INTS9: variants seen among roughly 807,000 people sequenced by gnomAD.
INTS9 encodes the protein integrator complex subunit 9.
Under a neutral mutation model 79.7 loss-of-function variants are expected in INTS9, and 55 were observed. The ratio of observed to expected loss-of-function variants is 0.69; its 90% CI spans 0.56 to 0.86. The LOEUF (loss-of-function observed/expected upper bound fraction) is 0.86. Ranked by LOEUF, INTS9 falls within the 40% of genes least tolerant of loss-of-function variation. The pLI is 0.00. For synonymous variants in INTS9, 319 were observed against 325.2 expected, an observed-to-expected ratio of 0.98 and a Z score of 0.20; for missense variants, 721 against 831.5, an observed-to-expected ratio of 0.87 and a Z score of 1.64.
chr8:28,780,845 A>G lies in INTS9; in HGVS notation c.1248T>C (p.Ser416=), dbSNP rs1383954745. The stretch of plus-strand genomic sequence containing the variant: ...TACCCGTGAATATGACGGTATTGAG[A>G]CTAGATTTTCCCCAGAGCTCCATGA... ...VHFMELWGKS[S]LNTVIFTEPD... Residue 416 remains serine (S), a synonymous_variant, in exon 12 of 17, where the codon AGT becomes AGC. Transcript: ENST00000521022. The G allele has an allele frequency of 5.0e-6, 8 of 1,614,070 alleles. No homozygotes were observed. Among genetic ancestry groups the G allele is most frequent in the Non-Finnish European group, 6.8e-6 (8 of 1,180,018 alleles).
chr8:28,788,719 C>T (rs1803759167), intron 10 of INTS9, among the ~76,000 whole-genome samples: 1 of 152,178 alleles, frequency 6.6e-6, no homozygotes, highest in African/African-American at 2.4e-5. Flanking sequence ...GTGCCTGGCC[C>T]TCACACTCTT....
chr8:28,859,752 T>A, intron 1 of INTS9, 189 bp from the exon 2 acceptor site: 1 of 686,700 alleles, frequency 1.5e-6, no homozygotes, highest in Non-Finnish European at 2.6e-6. Flanking sequence ...ATACTCAAAA[T>A]TCTCAGATCA....
At position 28,767,893 on chromosome 8, in the gene INTS9, G is replaced by A; in HGVS notation, c.*253C>T. 2.1e-6 allele frequency: 1 copy of A among 473,302 alleles called. No homozygotes were observed. Among genetic ancestry groups the A allele is most frequent in the Non-Finnish European group, 3.9e-6 (1 of 259,444 alleles). The allele number at this position is 473,302 out of a possible 1,614,324, so 29.3% of individuals were successfully genotyped here. On this transcript the variant is annotated 3_prime_UTR_variant, in exon 17 of 17. Transcript: ENST00000521022. ...GGAAAACTTCTCCTGTCCCACTTCT[G>A]CCACCCTCCAGCTCCTTGAGAGAGC...
intron 1 of INTS9, among the ~76,000 whole-genome samples, chr8:28,882,264 G>C (rs1450249198): frequency 2.3e-5 from 3 of 132,944 alleles, no homozygotes; most frequent in Non-Finnish European, 1.6e-5. Context: ...CAGCATGCTC[G>C]TTAAGAGTCA....
At chr8:28,785,857 A>C (rs1374193184) in intron 11 of INTS9, among the ~76,000 whole-genome samples, 2 of 152,238 alleles carry the variant, frequency 1.3e-5, no homozygotes, top group African/African-American at 4.8e-5. Context: ...TCTATCCAAC[A>C]GCACAGGATT....
chr8:28,786,571 G>C (rs1352169486), intron 11 of INTS9, among the ~76,000 whole-genome samples: 1 of 152,152 alleles, frequency 6.6e-6, no homozygotes, highest in East Asian at 1.9e-4. Context: ...GGGATTATAG[G>C]TGTGAGCCAC....
chr8:28,837,823 C>A, intron 4 of INTS9, 47 bp from the exon 5 acceptor site: 2 of 1,528,784 alleles, frequency 1.3e-6, no homozygotes, highest in South Asian at 1.2e-5. Context: ...AGGGATCGAT[C>A]AATATGATGT....
chr8:28,775,706 C>T, intron 14 of INTS9, 53 bp downstream of exon 14: 1 of 1,591,266 alleles, frequency 6.3e-7, no homozygotes, highest in Non-Finnish European at 8.6e-7. Flanking sequence ...GCACGATCTC[C>T]AAGAGCCTCT....
At chr8:28,770,214 C>CAACT (rs1802452322) in intron 15 of INTS9, among the ~76,000 whole-genome samples, 188 bp from the exon 16 acceptor site, 1 of 152,264 alleles carries the variant, frequency 6.6e-6, no homozygotes. Context: ...CTCTAATGCT[C>CAACT]AACTGTCCAG....
At chr8:28,771,214 G>A in intron 14 of INTS9, 134 bp from the exon 15 acceptor site, 1 of 719,454 alleles carries the variant, frequency 1.4e-6, no homozygotes, top group Non-Finnish European at 2.5e-6. Flanking sequence ...TTTTTTTTGA[G>A]ATGGAGTCTT....
intron 6 of INTS9, among the ~76,000 whole-genome samples, chr8:28,833,209 T>C (rs1026666001): frequency 6.6e-6 from 1 of 152,076 alleles, no homozygotes; most frequent in Non-Finnish European, 1.5e-5. Context: ...ACTAAGACAT[T>C]CTAATGTTGA....
intron 1 of INTS9, among the ~76,000 whole-genome samples, chr8:28,865,415 T>C (rs1159166047): frequency 6.6e-6 from 1 of 151,112 alleles, no homozygotes; most frequent in African/African-American, 2.4e-5. Context: ...AAGGCTACAG[T>C]GTGCTGTGAT....
At chr8:28,774,864 T>C (rs1802777104) in intron 14 of INTS9, among the ~76,000 whole-genome samples, 1 of 152,200 alleles carries the variant, frequency 6.6e-6, no homozygotes, top group Non-Finnish European at 1.5e-5. Flanking sequence ...TGTCTCCCTC[T>C]CAGAGGAGTG....
intron 6 of INTS9, among the ~76,000 whole-genome samples, chr8:28,819,573 G>C (rs1805704203): frequency 6.6e-6 from 1 of 152,130 alleles, no homozygotes; most frequent in South Asian, 2.1e-4. Flanking sequence ...TTACTTCCAA[G>C]TATGTGGTCA....
At chr8:28,830,855 C>A (rs1028824476) in intron 6 of INTS9, among the ~76,000 whole-genome samples, 8 of 152,086 alleles carry the variant, frequency 5.3e-5, no homozygotes, top group Non-Finnish European at 1.0e-4. Context: ...CAAAGATGGC[C>A]TTCTCCAATA....
Position 28,835,309 on chromosome 8 carries a change from C to A in INTS9, c.471G>T (p.Lys157Asn). The A allele has an allele frequency of 6.2e-7, 1 of 1,613,314 alleles. No homozygotes were observed. Among genetic ancestry groups the A allele is most frequent in the Non-Finnish European group, 8.5e-7 (1 of 1,179,364 alleles). Residue 157 changes from lysine (K) to asparagine (N), a missense_variant, in exon 6 of 17, where the codon AAG becomes AAT. Lys to Asn is a moderately conservative substitution (Grantham distance 94). Transcript: ENST00000521022. ...VPKAQSASLW[K>N]NKDIQRLLPS... ...TTCCTCACCTCTGAATGTCCTTATT[C>A]TTCCACAAGGAGGCAGACTGAGCCT...
intron 1 of INTS9, among the ~76,000 whole-genome samples, chr8:28,870,100 C>T (rs886946331): frequency 2.0e-5 from 3 of 151,914 alleles, no homozygotes; most frequent in Admixed American, 6.6e-5. Context: ...ACTTAATACA[C>T]GTTAAGAAGT....
intron 1 of INTS9, among the ~76,000 whole-genome samples, chr8:28,884,484 C>T (rs547842989): frequency 2.6e-5 from 4 of 151,938 alleles, no homozygotes; most frequent in East Asian, 1.9e-4. Flanking sequence ...GTGCTTGGCC[C>T]GATATATTTT....
chr8:28,839,478 G>A (rs1369906583), intron 4 of INTS9, among the ~76,000 whole-genome samples: 6 of 151,994 alleles, frequency 3.9e-5, no homozygotes, highest in Admixed American at 1.3e-4. Flanking sequence ...AGCCCGCATC[G>A]CCAAGTCAAT....
Sources: gnomAD v4.1 joint callset for allele counts (sites outside exome capture counted in the v4.1 genomes callset) on GRCh38, gnomAD v4.1.1 for gene constraint, MANE v1.5 for transcripts, NCBI Gene and HGNC (gene_info 2026-07-23, HGNC 2026-07-21) for gene names.